CHRM3: variants seen among roughly 807,000 people sequenced by gnomAD.
CHRM3 encodes cholinergic receptor muscarinic 3.
Under a neutral mutation model 41.8 loss-of-function variants are expected in CHRM3, and 11 were observed. The observed-to-expected ratio is 0.26, with a 90% CI of 0.17 to 0.44. CHRM3 has a LOEUF of 0.44. CHRM3 is among the 20% of genes least tolerant of loss of function. CHRM3 has a pLI of 1.00. For synonymous variants in CHRM3, 297 were observed against 301.4 expected (o/e 0.99, Z 0.15); for missense variants, 571 against 745.4 (o/e 0.77, Z 2.72).
intron 1 of CHRM3, among the ~76,000 whole-genome samples, chr1:239,393,304 A>G (rs557388899): frequency 8.5e-5 from 13 of 152,362 alleles, no homozygotes; most frequent in African/African-American, 3.1e-4. Context: ...GTTATTGAAC[A>G]CAGTCTTTTT....
At chr1:239,892,288 A>G (rs1394123814) in intron 6 of CHRM3, among the ~76,000 whole-genome samples, 1 of 152,180 alleles carries the variant, frequency 6.6e-6, no homozygotes, top group African/African-American at 2.4e-5. Context: ...CAAAGTAGAC[A>G]TTTTATTATT....
intron 5 of CHRM3, chr1:239,704,359 AAAG>A (rs1156588160): frequency 5.1e-4 from 78 of 152,306 alleles, no homozygotes; most frequent in African/African-American, 1.9e-3. Flanking sequence ...TAAATTAGTC[AAAG>A]AAGAATTATT....
intron 3 of CHRM3, among the ~76,000 whole-genome samples, chr1:239,603,076 G>A (rs1190066871): frequency 7.1e-6 from 1 of 140,294 alleles, no homozygotes; most frequent in African/African-American, 2.5e-5. Flanking sequence ...GAGTTCAACT[G>A]CTCTAGATAC....
chr1:239,786,454 T>C (rs1668902833), intron 5 of CHRM3, among the ~76,000 whole-genome samples: 1 of 152,222 alleles, frequency 6.6e-6, no homozygotes, highest in Non-Finnish European at 1.5e-5. Flanking sequence ...ATAAGGAAGC[T>C]GAGACCGAGA....
intron 2 of CHRM3, among the ~76,000 whole-genome samples, chr1:239,528,170 G>A (rs1044369968): frequency 6.6e-6 from 1 of 152,150 alleles, no homozygotes; most frequent in Non-Finnish European, 1.5e-5. Flanking sequence ...CAGAGATGAT[G>A]GCAAGTCACA....
intron 6 of CHRM3, among the ~76,000 whole-genome samples, chr1:239,828,967 T>G (rs901676308): frequency 4.6e-5 from 7 of 152,304 alleles, no homozygotes; most frequent in African/African-American, 1.4e-4. Flanking sequence ...TGCTGATGCA[T>G]GGGATGCACA....
Position 239,599,387 on chromosome 1 carries a change from A to G in CHRM3, c.-312-32837A>G, listed in dbSNP as rs1168231691. On this transcript the variant is annotated intron_variant, in intron 3 of 6. Transcript: ENST00000676153. ...TTCTTCTATTCTTGGATCCTCAAAT[A>G]TTAATGTTCTGCAGGGTTACTACTA... Among the ~76,000 whole-genome samples the G allele has an allele frequency of 2.7e-5, 4 of 147,058 alleles. No individual in the cohort carries two copies. In the East Asian group the frequency reaches 5.9e-4, roughly 22 times the overall value.
At chr1:239,528,437 G>A (rs991077050) in intron 2 of CHRM3, among the ~76,000 whole-genome samples, 2 of 152,224 alleles carry the variant, frequency 1.3e-5, no homozygotes, top group African/African-American at 2.4e-5. Context: ...TGCAGGGCAT[G>A]ATGGTGACAA....
intron 5 of CHRM3, among the ~76,000 whole-genome samples, chr1:239,789,557 G>T (rs899111543): frequency 6.6e-6 from 1 of 152,198 alleles, no homozygotes; most frequent in Admixed American, 6.5e-5. Context: ...ATGGAGGAAG[G>T]TGAAGGGGAG....
At chr1:239,531,363 G>T (rs915138408) in intron 2 of CHRM3, among the ~76,000 whole-genome samples, 2 of 152,022 alleles carry the variant, frequency 1.3e-5, no homozygotes, top group African/African-American at 4.8e-5. Flanking sequence ...AATATGGCCA[G>T]GAATTTTACT....
intron 5 of CHRM3, among the ~76,000 whole-genome samples, chr1:239,776,180 A>G (rs1668069368): frequency 6.6e-6 from 1 of 152,176 alleles, no homozygotes; most frequent in South Asian, 2.1e-4. Context: ...TACAGTGGCT[A>G]AAAAAGCACA....
intron 1 of CHRM3, among the ~76,000 whole-genome samples, chr1:239,391,583 C>T (rs576666684): frequency 6.6e-5 from 10 of 152,298 alleles, no homozygotes; most frequent in African/African-American, 2.4e-4. Context: ...GCCAAGGACT[C>T]TGGCTGACGT....
At chr1:239,676,594 C>T (rs1256441973) in intron 4 of CHRM3, among the ~76,000 whole-genome samples, 1 of 152,150 alleles carries the variant, frequency 6.6e-6, no homozygotes, top group African/African-American at 2.4e-5. Context: ...TTAACTTCTT[C>T]AAGAACCCTG....
intron 3 of CHRM3, among the ~76,000 whole-genome samples, chr1:239,591,291 T>C (rs923480222): frequency 3.9e-5 from 6 of 152,118 alleles, no homozygotes; most frequent in African/African-American, 1.4e-4. Flanking sequence ...CCATTACTAG[T>C]GTTGGTAATC....
intron 3 of CHRM3, among the ~76,000 whole-genome samples, chr1:239,611,124 T>C (rs978070065): frequency 3.3e-4 from 51 of 152,298 alleles, no homozygotes; most frequent in African/African-American, 1.2e-3. Context: ...AATCATGCCT[T>C]AATTTTCCTC....
rs1322579150 is a variant in CHRM3 at position 239,684,073 on chromosome 1, T to G, written c.-147+5785T>G. ...TCATGTATTTAGGATTCCTAACCCATATTCCCGTGTGGGAGAAGATTTTTT... is the reference window on the plus strand; with the variant it reads ...TCATGTATTTAGGATTCCTAACCCAGATTCCCGTGTGGGAGAAGATTTTTT... On this transcript the variant is annotated intron_variant, in intron 5 of 6. Coordinates refer to ENST00000676153, the MANE Select transcript of CHRM3 (RefSeq NM_001375978.1). Among the ~76,000 whole-genome samples the G allele has an allele frequency of 3.3e-5, 5 of 152,230 alleles. No individual in the cohort carries two copies. In the East Asian group the frequency reaches 9.6e-4, roughly 29 times the overall value.
intron 4 of CHRM3, among the ~76,000 whole-genome samples, chr1:239,665,952 A>G (rs946210322): frequency 3.9e-5 from 6 of 152,256 alleles, no homozygotes; most frequent in Non-Finnish European, 2.9e-5. Context: ...AGTCTTTGCT[A>G]TTGTAAATAG....
intron 1 of CHRM3, among the ~76,000 whole-genome samples, chr1:239,404,410 A>AAAAGAAAGAAAG (rs1170633500): frequency 8.3e-4 from 43 of 51,762 alleles, no homozygotes; most frequent in African/African-American, 2.3e-3. Flanking sequence ...GAAAGAAAGA[A>AAAAGAAAGAAAG]AAAGAAAGAA....
At chr1:239,667,377 T>C (rs1483059757) in intron 4 of CHRM3, among the ~76,000 whole-genome samples, 5 of 152,214 alleles carry the variant, frequency 3.3e-5, no homozygotes, top group African/African-American at 1.2e-4. Flanking sequence ...GCATATCCCA[T>C]GCAGACCTCA....
Sources: gnomAD v4.1 joint callset for allele counts (sites outside exome capture counted in the v4.1 genomes callset) on GRCh38, gnomAD v4.1.1 for gene constraint, MANE v1.5 for transcripts, NCBI Gene and HGNC (gene_info 2026-07-23, HGNC 2026-07-21) for gene names.